Variants in PTPRG observed in about 807,000 individuals in gnomAD.
The protein encoded by PTPRG is receptor-type tyrosine-protein phosphatase gamma.
In PTPRG, 102 loss-of-function variants were observed where a neutral mutation model predicts 165.3. The observed-to-expected ratio is 0.62, with a 90% CI of 0.53 to 0.73. PTPRG has a LOEUF of 0.73. PTPRG is among the 30% of genes least tolerant of loss of function. The pLI is 0.00. For synonymous variants in PTPRG, 675 were observed against 669.5 expected, an observed-to-expected ratio of 1.01 and a Z score of -0.13; for missense variants, 1,866 against 1,861.4, an observed-to-expected ratio of 1.00 and a Z score of -0.05.
At chr3:61,826,381 G>C (rs539340503) in intron 2 of PTPRG, among the ~76,000 whole-genome samples, 4 of 152,172 alleles carry the variant, frequency 2.6e-5, no homozygotes, top group Non-Finnish European at 4.4e-5. Flanking sequence ...TGACATGCGG[G>C]TTATTGTTGA....
intron 2 of PTPRG, among the ~76,000 whole-genome samples, chr3:61,797,581 A>ACCCCCCCCCCC (rs10541580): frequency 2.4e-5 from 3 of 127,356 alleles, no homozygotes; most frequent in Admixed American, 8.1e-5. Context: ...TTATCTCCAC[A>ACCCCCCCCCCC]CCCCCCCCCA....
chr3:62,080,658 T>C (rs1233761093), intron 5 of PTPRG, among the ~76,000 whole-genome samples: 3 of 152,176 alleles, frequency 2.0e-5, no homozygotes, highest in African/African-American at 7.2e-5. Flanking sequence ...TTTAATGTTT[T>C]TATGAGTACT....
At chr3:61,756,464 C>T (rs2033637814) in intron 2 of PTPRG, among the ~76,000 whole-genome samples, 1 of 152,180 alleles carries the variant, frequency 6.6e-6, no homozygotes, top group Non-Finnish European at 1.5e-5. Context: ...TTGCCATATG[C>T]TTAAGGTACC....
chr3:61,737,868 T>C (rs1413116507), intron 1 of PTPRG, among the ~76,000 whole-genome samples: 1 of 151,902 alleles, frequency 6.6e-6, no homozygotes, highest in Non-Finnish European at 1.5e-5. Context: ...ACCTGCTTGC[T>C]CCTGGCACAT....
chr3:61,871,652 G>T (rs1310617601), intron 2 of PTPRG, among the ~76,000 whole-genome samples: 1 of 152,134 alleles, frequency 6.6e-6, no homozygotes, highest in African/African-American at 2.4e-5. Flanking sequence ...GGAAAGTTTT[G>T]TTGATGTGAA....
intron 5 of PTPRG, among the ~76,000 whole-genome samples, chr3:62,083,533 G>C (rs1012948977): frequency 6.6e-6 from 1 of 152,192 alleles, no homozygotes; most frequent in Non-Finnish European, 1.5e-5. Flanking sequence ...AAAAACCCAG[G>C]TTTACATGAA....
chr3:62,271,315 CTTACA>C lies in PTPRG; in HGVS notation c.3010-64_3010-60del, dbSNP rs1702052292. The C allele has an allele frequency of 7.3e-7, 1 of 1,366,988 alleles. No individual in the cohort carries two copies. The highest frequency in any genetic ancestry group is 2.0e-5 in the Admixed American group (1 of 50,480). The allele number at this position is 1,366,988 out of a possible 1,614,324, so 84.7% of individuals were successfully genotyped here. ...ATCAGTGGTCATGTGTCCTGACACC[CTTACA>C]TTATTTTTTTCCAGAATGTCCACCC... is the stretch of plus-strand genomic sequence containing the variant. On this transcript the variant is annotated intron_variant, in intron 20 of 29. Coordinates refer to ENST00000474889, the MANE Select transcript of PTPRG (RefSeq NM_002841.4). This position sits in a 1 kb window ranked among gnomAD's most constrained non-coding sequence, Gnocchi z 4.1.
chr3:61,625,971 C>G (rs1027212034), intron 1 of PTPRG, among the ~76,000 whole-genome samples: 11 of 151,364 alleles, frequency 7.3e-5, no homozygotes, highest in African/African-American at 1.7e-4. Context: ...GTCATTTATG[C>G]ATTAAATAAA....
chr3:61,906,290 T>C (rs1489089959), intron 2 of PTPRG, among the ~76,000 whole-genome samples: 8 of 151,082 alleles, frequency 5.3e-5, no homozygotes, highest in Admixed American at 5.3e-4. Flanking sequence ...CTGTCTCTAC[T>C]AAAAATAAAA....
chr3:61,665,091 G>T (rs1575574344), intron 1 of PTPRG, among the ~76,000 whole-genome samples: 1 of 152,100 alleles, frequency 6.6e-6, no homozygotes, highest in Non-Finnish European at 1.5e-5. Flanking sequence ...GTCCCATTTT[G>T]TGTAGCTGGG....
chr3:61,950,932 A>G (rs4688668), intron 2 of PTPRG, among the ~76,000 whole-genome samples: 116,866 of 152,206 alleles, frequency 0.77, 45,066 homozygotes, highest in Middle Eastern at 0.84. Flanking sequence ...ATGTCCTGTC[A>G]TGTGGACAAG....
chr3:61,942,489 G>A (rs2039655485), intron 2 of PTPRG, among the ~76,000 whole-genome samples: 1 of 152,100 alleles, frequency 6.6e-6, no homozygotes, highest in African/African-American at 2.4e-5. Flanking sequence ...GTCAATTTTA[G>A]GTTCAACAAA....
intron 2 of PTPRG, among the ~76,000 whole-genome samples, chr3:61,914,146 C>T (rs1421740504): frequency 6.6e-6 from 1 of 152,190 alleles, no homozygotes; most frequent in Non-Finnish European, 1.5e-5. Flanking sequence ...GAACTGATGT[C>T]ATGATTAGGT....
At chr3:61,686,076 G>A (rs1703623531) in intron 1 of PTPRG, among the ~76,000 whole-genome samples, 1 of 152,178 alleles carries the variant, frequency 6.6e-6, no homozygotes, top group Admixed American at 6.5e-5. Flanking sequence ...CCTCATTCCC[G>A]TGGTCTTGCG....
At chr3:62,003,518 C>G in intron 4 of PTPRG, 21 bp downstream of exon 4, 1 of 1,612,514 alleles carries the variant, frequency 6.2e-7, no homozygotes, top group South Asian at 1.1e-5. Flanking sequence ...GTCAAGATCT[C>G]AACGTGTAGC....
At chr3:61,749,901 A>G (rs1206104266) in intron 2 of PTPRG, 1 of 152,124 alleles carries the variant, frequency 6.6e-6, no homozygotes. Flanking sequence ...TTTCATAATG[A>G]TGCTCGGGTT....
intron 20 of PTPRG, among the ~76,000 whole-genome samples, chr3:62,269,782 T>A (rs1273018837): frequency 6.6e-6 from 1 of 152,090 alleles, no homozygotes; most frequent in Admixed American, 6.6e-5. Flanking sequence ...TCACAACAAA[T>A]ATCCTAGATC....
chr3:61,722,801 A>G (rs2032107701), intron 1 of PTPRG, among the ~76,000 whole-genome samples: 3 of 152,226 alleles, frequency 2.0e-5, no homozygotes, highest in Non-Finnish European at 4.4e-5. Context: ...GGGGTGTACT[A>G]TCTGGCACAC....
chr3:61,718,982 C>A (rs1478963659), intron 1 of PTPRG, among the ~76,000 whole-genome samples: 1 of 151,970 alleles, frequency 6.6e-6, no homozygotes, highest in African/African-American at 2.4e-5. Context: ...ATGGATTGTC[C>A]CCAACAATCC....
Sources: allele counts gnomAD v4.1 joint callset (sites outside exome capture counted in the v4.1 genomes callset), GRCh38; gene constraint gnomAD v4.1.1; non-coding constraint Gnocchi (gnomAD v3.1); transcripts MANE v1.5; gene names NCBI Gene and HGNC (gene_info 2026-07-23, HGNC 2026-07-21).